SLC35F4: variants seen among roughly 807,000 people sequenced by gnomAD.
SLC35F4 encodes the protein solute carrier family 35 member F4.
Under a neutral mutation model 44.2 loss-of-function variants are expected in SLC35F4, and 24 were observed. The observed-to-expected ratio is 0.54, with a 90% CI of 0.39 to 0.76. SLC35F4 has a LOEUF of 0.76. Ranked by LOEUF, SLC35F4 falls within the 30% of genes least tolerant of loss-of-function variation. SLC35F4 has a pLI of 0.00. For missense variants in SLC35F4, 562 were observed against 586.1 expected (o/e 0.96, Z 0.42); for synonymous variants, 238 against 223.6 (o/e 1.06, Z -0.57).
At chr14:57,620,327 C>A (rs2072107437) in intron 1 of SLC35F4, among the ~76,000 whole-genome samples, 1 of 152,170 alleles carries the variant, frequency 6.6e-6, no homozygotes, top group African/African-American at 2.4e-5. Context: ...GCCCATCAGA[C>A]TAACAGTGAA....
chr14:57,765,605 T>C (rs1482975329), intron 1 of SLC35F4, among the ~76,000 whole-genome samples: 1 of 152,260 alleles, frequency 6.6e-6, no homozygotes, highest in Non-Finnish European at 1.5e-5. Flanking sequence ...TTTTTAAAAA[T>C]TGTATTCATT....
At chr14:57,915,175 G>A (rs1407143759) in intron 1 of SLC35F4, among the ~76,000 whole-genome samples, 6 of 152,140 alleles carry the variant, frequency 3.9e-5, no homozygotes, top group Non-Finnish European at 7.4e-5. Flanking sequence ...CAGAAAGTGG[G>A]AAACAGAGTT....
At chr14:57,829,829 T>C (rs567749308) in intron 1 of SLC35F4, among the ~76,000 whole-genome samples, 2 of 152,170 alleles carry the variant, frequency 1.3e-5, no homozygotes, top group East Asian at 3.9e-4. Context: ...GCCGTGAATA[T>C]AAAAAAGAAA....
intron 1 of SLC35F4, among the ~76,000 whole-genome samples, chr14:57,935,221 G>A (rs547948617): frequency 1.3e-5 from 2 of 152,274 alleles, no homozygotes; most frequent in Non-Finnish European, 1.5e-5. Flanking sequence ...AATTCCCTGA[G>A]GATGTCTCTG....
chr14:57,658,406 G>A (rs922022010), intron 1 of SLC35F4, among the ~76,000 whole-genome samples: 1 of 152,082 alleles, frequency 6.6e-6, no homozygotes, highest in African/African-American at 2.4e-5. Flanking sequence ...CTTTTATTCA[G>A]TGCTTGTCAC....
intron 1 of SLC35F4, among the ~76,000 whole-genome samples, chr14:57,641,337 G>A (rs1198170316): frequency 6.6e-6 from 1 of 151,932 alleles, no homozygotes; most frequent in Non-Finnish European, 1.5e-5. Flanking sequence ...CCCAGAATAA[G>A]ACAGCCCCAG....
chr14:57,619,272 G>C (rs1338149500), intron 1 of SLC35F4, among the ~76,000 whole-genome samples: 2 of 152,176 alleles, frequency 1.3e-5, no homozygotes, highest in African/African-American at 2.4e-5. Context: ...GGGGCTGACA[G>C]ACACCTCATA....
At chr14:57,586,567 A>C (rs1349057952) in intron 3 of SLC35F4, among the ~76,000 whole-genome samples, 1 of 151,402 alleles carries the variant, frequency 6.6e-6, no homozygotes, top group African/African-American at 2.4e-5. Flanking sequence ...AAATACAAAA[A>C]ATTAGCCGGG....
intron 1 of SLC35F4, among the ~76,000 whole-genome samples, chr14:57,659,930 A>T (rs967590363): frequency 3.4e-4 from 52 of 152,202 alleles, no homozygotes; most frequent in African/African-American, 1.2e-3. Flanking sequence ...AAGAAGCATG[A>T]AGTTATGAGC....
chr14:57,564,501 T>A, intron 7 of SLC35F4, 125 bp from the exon 8 acceptor site: 8 of 1,340,228 alleles, frequency 6.0e-6, no homozygotes, highest in Non-Finnish European at 8.0e-6. Flanking sequence ...AAGTTAGTGT[T>A]TCCTTTTTCC....
intron 1 of SLC35F4, among the ~76,000 whole-genome samples, chr14:57,899,578 T>C (rs1951896520): frequency 6.6e-6 from 1 of 152,142 alleles, no homozygotes; most frequent in Admixed American, 6.5e-5. Flanking sequence ...AGAATATCCG[T>C]CTGAAACTGG....
intron 1 of SLC35F4, among the ~76,000 whole-genome samples, chr14:57,737,552 C>T (rs938279135): frequency 1.3e-5 from 2 of 151,990 alleles, no homozygotes; most frequent in East Asian, 1.9e-4. Flanking sequence ...TAAAACAACC[C>T]AGTTAGCTGT....
At chr14:57,652,081 G>T (rs923232671) in intron 1 of SLC35F4, among the ~76,000 whole-genome samples, 2 of 152,194 alleles carry the variant, frequency 1.3e-5, no homozygotes, top group African/African-American at 4.8e-5. Flanking sequence ...CCTGGCAACA[G>T]GCAGTCAGGA....
intron 1 of SLC35F4, among the ~76,000 whole-genome samples, chr14:57,679,474 C>T (rs1027195246): frequency 2.0e-5 from 3 of 151,902 alleles, no homozygotes; most frequent in Non-Finnish European, 4.4e-5. Context: ...ACTAGAGAAG[C>T]AGGAGCAAAC....
intron 1 of SLC35F4, among the ~76,000 whole-genome samples, chr14:57,857,361 C>T (rs1887211893): frequency 6.6e-6 from 1 of 151,956 alleles, no homozygotes; most frequent in African/African-American, 2.4e-5. Context: ...GAAGTTACAA[C>T]CAGGCAGGTA....
At chr14:57,700,016 G>C (rs879902433) in intron 1 of SLC35F4, among the ~76,000 whole-genome samples, 1 of 152,114 alleles carries the variant, frequency 6.6e-6, no homozygotes, top group East Asian at 1.9e-4. Context: ...ACCACAAATA[G>C]TACTGAACCC....
At chr14:57,764,106 G>T (rs1188045429) in intron 1 of SLC35F4, among the ~76,000 whole-genome samples, 1 of 152,106 alleles carries the variant, frequency 6.6e-6, no homozygotes, top group African/African-American at 2.4e-5. Flanking sequence ...CCATGTGATT[G>T]AGTAATTTTA....
chr14:57,717,115 C>T (rs993234806), intron 1 of SLC35F4, among the ~76,000 whole-genome samples: 1 of 151,952 alleles, frequency 6.6e-6, no homozygotes, highest in Non-Finnish European at 1.5e-5. Flanking sequence ...GTAGATGAAC[C>T]CTTAGGTTAA....
At chr14:57,890,841 A>C (rs1490710752) in intron 1 of SLC35F4, among the ~76,000 whole-genome samples, 1 of 152,258 alleles carries the variant, frequency 6.6e-6, no homozygotes, top group African/African-American at 2.4e-5. Context: ...TTAGAAGAAA[A>C]AAATGAAAGA....
Sources: gnomAD v4.1 joint callset for allele counts (sites outside exome capture counted in the v4.1 genomes callset) on GRCh38, gnomAD v4.1.1 for gene constraint, MANE v1.5 for transcripts, NCBI Gene and HGNC (gene_info 2026-07-23, HGNC 2026-07-21) for gene names.